SCUBE3: variants seen among roughly 807,000 people sequenced by gnomAD.
SCUBE3 encodes signal peptide, CUB domain and EGF like domain containing 3.
In SCUBE3, 33 loss-of-function variants were observed where a neutral mutation model predicts 116.8. The ratio of observed to expected loss-of-function variants is 0.28; its 90% CI spans 0.21 to 0.38. The LOEUF (loss-of-function observed/expected upper bound fraction) is 0.38, where lower values mean the gene tolerates loss of function less well. Ranked by LOEUF, SCUBE3 falls within the 10% of genes least tolerant of loss-of-function variation. The pLI is 1.00. For missense variants in SCUBE3, 1,007 were observed against 1,324.8 expected (o/e 0.76, Z 3.72); for synonymous variants, 418 against 496.9 (o/e 0.84, Z 2.11).
Position 35,239,831 on chromosome 6 carries a change from C to T in SCUBE3, c.909C>T (p.Cys303=). 1 of 1,611,290 alleles carries T rather than the reference C, an allele frequency of 6.2e-7. No homozygotes were observed. Among genetic ancestry groups the T allele is most frequent in the Admixed American group, 1.7e-5 (1 of 59,286 alleles). The change falls in exon 8 of 22, where the codon TGC becomes TGT. Residue 303 remains cysteine (C), a synonymous_variant. Transcript: ENST00000274938. This position sits in a 1 kb window ranked among gnomAD's most constrained non-coding sequence, Gnocchi z 4.1. ...RNTVGSFECS[C]KKGYKLLINE... is the part of the protein sequence containing the mutation. ...CAGTGGGCAGCTTCGAATGCAGTTG[C>T]AAGAAAGGCTATAAGCTTCTCATCA... is the stretch of plus-strand genomic sequence containing the variant.
In SCUBE3 at chr6:35,231,238, C is replaced by T. The variant is rs1430134359; in HGVS notation, c.335-487C>T. On this transcript the variant is annotated intron_variant, in intron 3 of 21. Coordinates refer to ENST00000274938, the MANE Select transcript of SCUBE3 (RefSeq NM_152753.4). The surrounding 1 kb of genome is among the most constrained non-coding windows in gnomAD (Gnocchi z 4.2). ...GTGAGGCTCAGCTGCCTTTCCCCAC[C>T]CTGCCCCTCCAACCTCAGCACCATG... 6.6e-6 allele frequency among the ~76,000 whole-genome samples: 1 copy of T among 152,148 alleles called. No individual in the cohort carries two copies. Among genetic ancestry groups the T allele is most frequent in the Non-Finnish European group, 1.5e-5 (1 of 68,022 alleles).
chr6:35,222,598 A>G (rs1783157598), intron 1 of SCUBE3: 1 of 152,264 alleles, frequency 6.6e-6, no homozygotes, highest in African/African-American at 2.4e-5. Context: ...CCCCACCTCA[A>G]CTTTGGTTCC....
At chr6:35,216,033 TATC>T (rs1782878016) in intron 1 of SCUBE3, among the ~76,000 whole-genome samples, 1 of 152,212 alleles carries the variant, frequency 6.6e-6, no homozygotes, top group African/African-American at 2.4e-5. Context: ...AAGGAACAGA[TATC>T]ATGAAGTAAC....
rs1461006081 is a variant in SCUBE3 at position 35,217,222 on chromosome 6, CGGGGGGGGGGGGGGCGGG to C, written c.85+2724_85+2741del. Reference sequence around the variant, plus strand: ...TTTTGGTAAGGGGGTGGGTGTTTGGCGGGGGGGGGGGGGGCGGGGGGGAGGCGCGGCGGGGGGGGGGGT... The same window carrying C: ...TTTTGGTAAGGGGGTGGGTGTTTGGCGGGGAGGCGCGGCGGGGGGGGGGGT... On this transcript the variant is annotated intron_variant, in intron 1 of 21. Transcript: ENST00000274938. Among the ~76,000 whole-genome samples the C allele has an allele frequency of 7.5e-3, 8 of 1,070 alleles. 3 individuals are homozygous for C. Among genetic ancestry groups the C allele is most frequent in the Non-Finnish European group, 0.016 (7 of 436 alleles). 0.7% of individuals were successfully genotyped at this position (1,070 alleles called of 152,430 possible).
chr6:35,241,929 G>A lies in SCUBE3; in HGVS notation c.1417+19G>A. The A allele has an allele frequency of 1.3e-6, 2 of 1,523,488 alleles. No homozygotes were observed. The highest frequency in any genetic ancestry group is 1.1e-5 in the South Asian group (1 of 89,414). 94.4% of individuals were successfully genotyped at this position (1,523,488 alleles called of 1,614,324 possible). Reference sequence around the variant, plus strand: ...TGCCATGGTAAGCACCAGCCCAGAAGCCCTGTTCCCACCCTACTCTCTTAC... The same window carrying A: ...TGCCATGGTAAGCACCAGCCCAGAAACCCTGTTCCCACCCTACTCTCTTAC... On this transcript the variant is annotated intron_variant, in intron 12 of 21. Transcript: ENST00000274938. This position sits in a 1 kb window ranked among gnomAD's most constrained non-coding sequence, Gnocchi z 4.1.
At position 35,240,443 on chromosome 6, in the gene SCUBE3, G is replaced by A; in HGVS notation, c.1022G>A (p.Cys341Tyr). 6.2e-7 allele frequency: 1 copy of A among 1,610,534 alleles called. No homozygotes were observed. Among genetic ancestry groups the A allele is most frequent in the Non-Finnish European group, 8.5e-7 (1 of 1,178,192 alleles). The stretch of plus-strand genomic sequence containing the variant: ...GTCAACACACCAGGAAGCTTCCAGT[G>A]TCTCTGCCATCGTGGCTACCTGTTG... ...ICVNTPGSFQ[C>Y]LCHRGYLLYG... Residue 341 changes from cysteine (C) to tyrosine (Y), a missense_variant, in exon 9 of 22, where the codon TGT (cysteine) becomes TAT (tyrosine). Physicochemically the swap from Cys to Tyr is radical, Grantham distance 194. This residue lies in a region of SCUBE3 where 214 missense variants were observed against 316.7 expected (regional missense o/e 0.68). Transcript: ENST00000274938. This position sits in a 1 kb window ranked among gnomAD's most constrained non-coding sequence, Gnocchi z 4.6.
intron 1 of SCUBE3, among the ~76,000 whole-genome samples, chr6:35,226,606 C>T (rs1783337819): frequency 6.6e-6 from 1 of 151,618 alleles, no homozygotes; most frequent in Non-Finnish European, 1.5e-5. Context: ...CCACAGCCTC[C>T]TGAGTAGCTG....
In SCUBE3 at chr6:35,251,038, A is replaced by G. The variant is rs1784535018; in HGVS notation, c.*2333A>G. On this transcript the variant is annotated 3_prime_UTR_variant, in exon 22 of 22. Transcript: ENST00000274938. ...CTGCTTCCAAACAAGGGAAATGGTCATTTAGTATGAGTGTCTCTGTACTTC... is the reference window on the plus strand; with the variant it reads ...CTGCTTCCAAACAAGGGAAATGGTCGTTTAGTATGAGTGTCTCTGTACTTC... 6.6e-6 allele frequency: 1 copy of G among 152,148 alleles called. No homozygotes were observed. The highest frequency in any genetic ancestry group is 2.4e-5 in the African/African-American group (1 of 41,432). 9.4% of individuals were successfully genotyped at this position (152,148 alleles called of 1,614,324 possible).
At position 35,232,028 on chromosome 6, in the gene SCUBE3, G is replaced by C. The variant is rs575105130; in HGVS notation, c.469+169G>C. On this transcript the variant is annotated intron_variant, in intron 4 of 21. Coordinates refer to ENST00000274938, the MANE Select transcript of SCUBE3 (RefSeq NM_152753.4). This position sits in a 1 kb window ranked among gnomAD's most constrained non-coding sequence, Gnocchi z 4.2. ...TAAAGGATCTAGGAACAGACACCCT[G>C]TTAGGGCAAAATCTGGGGAAATTAC... is the stretch of plus-strand genomic sequence containing the variant. 1.3e-5 allele frequency among the ~76,000 whole-genome samples: 2 copies of C among 152,296 alleles called. No homozygotes were observed. The highest frequency in any genetic ancestry group is 4.8e-5 in the African/African-American group (2 of 41,566).
chr6:35,222,244 T>C (rs556179078), intron 1 of SCUBE3: 3 of 152,318 alleles, frequency 2.0e-5, no homozygotes, highest in Non-Finnish European at 4.4e-5. Flanking sequence ...GAGCTGGGCT[T>C]GGGCAAACTT....
Position 35,219,956 on chromosome 6 carries a change from T to C in SCUBE3, c.85+5453T>C, listed in dbSNP as rs573349432. On this transcript the variant is annotated intron_variant, in intron 1 of 21. Coordinates refer to ENST00000274938, the MANE Select transcript of SCUBE3 (RefSeq NM_152753.4). This position sits in a 1 kb window ranked among gnomAD's most constrained non-coding sequence, Gnocchi z 4.7. ...GCCCACCCTTTCCTTATTGCAACTG[T>C]GTCTGTACCCTCCCTGCCCACTACT... 1.4e-4 allele frequency among the ~76,000 whole-genome samples: 22 copies of C among 152,302 alleles called. No individual in the cohort carries two copies. The highest frequency in any genetic ancestry group is 3.6e-4 in the African/African-American group (15 of 41,558).
intron 21 of SCUBE3, among the ~76,000 whole-genome samples, chr6:35,248,164 G>T (rs1271456750): frequency 1.4e-5 from 1 of 70,600 alleles, no homozygotes; most frequent in Non-Finnish European, 3.6e-5. Context: ...AAGAGTCTAC[G>T]GAGGGACAAA....
Position 35,233,017 on chromosome 6 carries a change from G to T in SCUBE3, c.595+42G>T. ...GGCAGGTGGGGCAGTGGGGTCGGGGGTGAAAACATAGAGGAAGGGTATAGG... is the reference window on the plus strand; with the variant it reads ...GGCAGGTGGGGCAGTGGGGTCGGGGTTGAAAACATAGAGGAAGGGTATAGG... On this transcript the variant is annotated intron_variant, in intron 5 of 21. Transcript: ENST00000274938. This position sits in a 1 kb window ranked among gnomAD's most constrained non-coding sequence, Gnocchi z 5.7. 2 of 1,610,014 alleles carry T rather than the reference G, an allele frequency of 1.2e-6. No homozygotes were observed. Among genetic ancestry groups the T allele is most frequent in the Middle Eastern group, 1.7e-4 (1 of 5,888 alleles).
rs919985213 is a variant in SCUBE3 at position 35,245,252 on chromosome 6, G to C, written c.2426G>C (p.Gly809Ala). Reference sequence around the variant, plus strand: ...GATCGTCAGTGTGGTGGGGAGCTGGGTGAGTTCACTGGCTATATTGAGTCC... The same window carrying C: ...GATCGTCAGTGTGGTGGGGAGCTGGCTGAGTTCACTGGCTATATTGAGTCC... ...CKNRQCGGEL[G>A]EFTGYIESPN... is the part of the protein sequence containing the mutation. The change falls in exon 19 of 22, where the codon GGT becomes GCT. Residue 809 changes from glycine to alanine, a missense_variant. Gly to Ala is a moderately conservative substitution (Grantham distance 60). Coordinates refer to ENST00000274938, the MANE Select transcript of SCUBE3 (RefSeq NM_152753.4). The surrounding 1 kb of genome is among the most constrained non-coding windows in gnomAD (Gnocchi z 4.2). 4 of 1,614,042 alleles carry C rather than the reference G, an allele frequency of 2.5e-6. No individual in the cohort carries two copies. Among genetic ancestry groups the C allele is most frequent in the African/African-American group, 2.7e-5 (2 of 74,902 alleles).
chr6:35,243,683 C>T lies in SCUBE3; in HGVS notation c.1999C>T (p.Leu667Phe), dbSNP rs1378636853. Reference sequence around the variant, plus strand: ...CACCTTCCAGGAGAGAGAAGGGCAGCTCTCCTGCGACCTTTGCCCTGGGAG... The same window carrying T: ...CACCTTCCAGGAGAGAGAAGGGCAGTTCTCCTGCGACCTTTGCCCTGGGAG... ...AGTFQEREGQ[L>F]SCDLCPGSDA... is the part of the protein sequence containing the mutation. Residue 667 changes from leucine (L) to phenylalanine (F), a missense_variant, in exon 16 of 22, where the codon CTC (leucine) becomes TTC (phenylalanine). This residue lies in a region of SCUBE3 where 544 missense variants were observed against 638.9 expected (regional missense o/e 0.85). Coordinates refer to ENST00000274938, the MANE Select transcript of SCUBE3 (RefSeq NM_152753.4). The surrounding 1 kb of genome is among the most constrained non-coding windows in gnomAD (Gnocchi z 6.6). 1 of 1,614,110 alleles carries T rather than the reference C, an allele frequency of 6.2e-7. No homozygotes were observed. The highest frequency in any genetic ancestry group is 1.1e-5 in the South Asian group (1 of 91,088).
At position 35,233,115 on chromosome 6, in the gene SCUBE3, A is replaced by T; in HGVS notation, c.596-70A>T. ...GAGGCAACTAGGCAAGGGGGCCAGT[A>T]CCCACATTGTGGAAAACTGTGGATG... On this transcript the variant is annotated intron_variant, in intron 5 of 21. Transcript: ENST00000274938. The surrounding 1 kb of genome is among the most constrained non-coding windows in gnomAD (Gnocchi z 5.7). 1 of 1,478,754 alleles carries T rather than the reference A, an allele frequency of 6.8e-7. No individual in the cohort carries two copies. Among genetic ancestry groups the T allele is most frequent in the Non-Finnish European group, 9.4e-7 (1 of 1,062,518 alleles). 91.6% of individuals were successfully genotyped at this position (1,478,754 alleles called of 1,614,324 possible).
At chr6:35,224,832 G>A (rs1048138856) in intron 1 of SCUBE3, among the ~76,000 whole-genome samples, 2 of 152,074 alleles carry the variant, frequency 1.3e-5, no homozygotes, top group Non-Finnish European at 2.9e-5. Flanking sequence ...GGTCAGGGGA[G>A]CAGTTCCAGA....
intron 6 of SCUBE3, among the ~76,000 whole-genome samples, chr6:35,234,025 T>C (rs1783658149): frequency 6.6e-6 from 1 of 152,188 alleles, no homozygotes. Context: ...TGGATCCCTC[T>C]TCCTGAATTC....
Position 35,240,560 on chromosome 6 carries a change from C to T in SCUBE3, c.1069+70C>T. On this transcript the variant is annotated intron_variant, in intron 9 of 21. Coordinates refer to ENST00000274938, the MANE Select transcript of SCUBE3 (RefSeq NM_152753.4). This position sits in a 1 kb window ranked among gnomAD's most constrained non-coding sequence, Gnocchi z 4.6. ...CTCTTCACCCTCCAATTGAACAGGT[C>T]CTTGTGTTGGCTTGTGGCTATGGGC... 1.3e-6 allele frequency: 1 copy of T among 742,898 alleles called. No individual in the cohort carries two copies. The highest frequency in any genetic ancestry group is 2.3e-6 in the Non-Finnish European group (1 of 443,820). 46.0% of individuals were successfully genotyped at this position (742,898 alleles called of 1,614,324 possible).
Sources: gnomAD v4.1 joint callset for allele counts (sites outside exome capture counted in the v4.1 genomes callset) on GRCh38, gnomAD v4.1.1 for gene constraint, gnomAD v4.1.1 regional missense constraint, Gnocchi (gnomAD v3.1) non-coding constraint, MANE v1.5 for transcripts, NCBI Gene and HGNC (gene_info 2026-07-23, HGNC 2026-07-21) for gene names.